The following CCDC148 variants were observed in gnomAD, a reference collection of about 807,000 sequenced individuals.
CCDC148 encodes the protein coiled-coil domain containing 148.
CCDC148 carries 89 observed loss-of-function variants against 85.7 expected under a neutral mutation model. The ratio of observed to expected loss-of-function variants is 1.04; its 90% CI spans 0.87 to 1.24. The LOEUF (loss-of-function observed/expected upper bound fraction) is 1.24, where lower values mean the gene tolerates loss of function less well. Among genes scored for constraint, CCDC148 ranks in the 50% most tolerant of loss-of-function variants. The pLI is 0.00. For synonymous variants in CCDC148, 230 were observed against 213.9 expected (o/e 1.08, Z -0.66); for missense variants, 692 against 671.7 (o/e 1.03, Z -0.33).
In CCDC148 at chr2:158,384,614, C is replaced by T. The variant is rs558100488; in HGVS notation, c.26-26044G>A. Among the ~76,000 whole-genome samples the T allele has an allele frequency of 4.6e-5, 7 of 152,248 alleles. No individual in the cohort carries two copies. In the East Asian group the frequency reaches 1.4e-3, roughly 29 times the overall value. ...GGCTGCCCCAGCCATGTTTTCTGTA[C>T]AGCATGTGGAACTGTGAGTCAATTA... On this transcript the variant is annotated intron_variant, in intron 1 of 13. Transcript: ENST00000283233.
intron 9 of CCDC148, among the ~76,000 whole-genome samples, chr2:158,282,018 G>T (rs563725370): frequency 3.3e-5 from 5 of 151,882 alleles, no homozygotes; most frequent in Non-Finnish European, 5.9e-5. Flanking sequence ...CAGAACAAAA[G>T]ACAAAAACCA....
intron 11 of CCDC148, among the ~76,000 whole-genome samples, chr2:158,213,129 T>C (rs1364067234): frequency 4.6e-5 from 7 of 152,192 alleles, no homozygotes; most frequent in South Asian, 2.1e-4. Context: ...CAAGTGATTC[T>C]AATGTAGCAA....
chr2:158,281,013 G>A (rs577784012), intron 9 of CCDC148, among the ~76,000 whole-genome samples: 35 of 152,300 alleles, frequency 2.3e-4, no homozygotes, highest in African/African-American at 8.4e-4. Context: ...TGAACAACCT[G>A]CTCCTGATTG....
chr2:158,221,973 A>T (rs1687207457), intron 10 of CCDC148, among the ~76,000 whole-genome samples: 1 of 152,166 alleles, frequency 6.6e-6, no homozygotes, highest in Non-Finnish European at 1.5e-5. Flanking sequence ...ATGCCAGGGA[A>T]TTCTATTAAT....
chr2:158,388,235 A>G (rs1489309839), intron 1 of CCDC148, among the ~76,000 whole-genome samples: 2 of 130,806 alleles, frequency 1.5e-5, no homozygotes, highest in African/African-American at 5.5e-5. Flanking sequence ...TATTTTCTGA[A>G]GTCTTGTTAT....
rs754301509 is a variant in CCDC148 at position 158,250,840 on chromosome 2, T to G, written c.1183A>C (p.Lys395Gln). 7 of 1,608,008 alleles carry G rather than the reference T, an allele frequency of 4.4e-6. No homozygotes were observed. The highest frequency in any genetic ancestry group is 5.9e-6 in the Non-Finnish European group (7 of 1,178,644). Residue 395 changes from lysine to glutamine, a missense_variant, in exon 10 of 14, where the codon AAG becomes CAG. Transcript: ENST00000283233. ...CACAGTTTCTCTTTCTCCTCTTCCT[T>G]TTCTCTTCTTCTGGCAGAAATTTCC... is the stretch of plus-strand genomic sequence containing the variant. Reference protein sequence around the residue: ...EMEISARRREKEEEKEKLWKK... With the variant: ...EMEISARRREQEEEKEKLWKK...
chr2:158,440,487 A>C (rs1687885056), intron 1 of CCDC148, among the ~76,000 whole-genome samples: 1 of 152,188 alleles, frequency 6.6e-6, no homozygotes, highest in Non-Finnish European at 1.5e-5. Flanking sequence ...CGTTATTCTC[A>C]GGAGATGCAT....
chr2:158,256,999 G>A (rs1008222731), intron 9 of CCDC148, among the ~76,000 whole-genome samples: 1 of 151,660 alleles, frequency 6.6e-6, no homozygotes, highest in Non-Finnish European at 1.5e-5. Flanking sequence ...GGTTCAATAA[G>A]TACTTCTTGG....
At chr2:158,367,887 G>A (rs1026056967) in intron 1 of CCDC148, among the ~76,000 whole-genome samples, 7 of 152,148 alleles carry the variant, frequency 4.6e-5, no homozygotes, top group Non-Finnish European at 1.0e-4. Flanking sequence ...TTATGTGAGA[G>A]AAATGATTAG....
intron 1 of CCDC148, among the ~76,000 whole-genome samples, chr2:158,439,297 T>G (rs1033142338): frequency 1.3e-5 from 2 of 152,020 alleles, no homozygotes; most frequent in Non-Finnish European, 2.9e-5. Context: ...TATGCAGCCA[T>G]AAAAAAGGAT....
chr2:158,416,678 A>G (rs59929499), intron 1 of CCDC148, among the ~76,000 whole-genome samples: 25,408 of 152,096 alleles, frequency 0.17, 2,289 homozygotes, highest in Middle Eastern at 0.21. Context: ...ACAAGTCTCT[A>G]TGAAATTCCA....
chr2:158,435,656 G>A (rs1016319438), intron 1 of CCDC148, among the ~76,000 whole-genome samples: 1 of 152,170 alleles, frequency 6.6e-6, no homozygotes, highest in Non-Finnish European at 1.5e-5. Flanking sequence ...CAGGCTAAAT[G>A]CTCCAATTAA....
At chr2:158,268,915 C>T (rs2105160404) in intron 9 of CCDC148, among the ~76,000 whole-genome samples, 1 of 152,274 alleles carries the variant, frequency 6.6e-6, no homozygotes, top group South Asian at 2.1e-4. Flanking sequence ...CTTTTTATGG[C>T]TGAATACTAT....
chr2:158,222,352 C>T (rs566402168), intron 10 of CCDC148, among the ~76,000 whole-genome samples: 70 of 152,234 alleles, frequency 4.6e-4, no homozygotes, highest in African/African-American at 1.5e-3. Flanking sequence ...AGGCCCCAGG[C>T]GTATGTTATA....
In CCDC148 at chr2:158,192,862, GAAA is replaced by G. The variant is rs369190780; in HGVS notation, c.1371-13869_1371-13867del. On this transcript the variant is annotated intron_variant, in intron 11 of 13. Transcript: ENST00000283233. ...GCTTGGCAATCCCATGGTCTAAATA[GAAA>G]AAAAAAAAAGGCTATTTTATTTTCT... is the stretch of plus-strand genomic sequence containing the variant. Among the ~76,000 whole-genome samples, 520 of 130,846 alleles carry G rather than the reference GAAA, an allele frequency of 4.0e-3. 1 individual carries two copies. The highest frequency in any genetic ancestry group is 0.013 in the African/African-American group (484 of 37,414). 85.8% of individuals were successfully genotyped at this position (130,846 alleles called of 152,430 possible).
chr2:158,416,286 C>T (rs1686495844), intron 1 of CCDC148, among the ~76,000 whole-genome samples: 1 of 152,190 alleles, frequency 6.6e-6, no homozygotes, highest in Non-Finnish European at 1.5e-5. Context: ...CACGAGGTCT[C>T]TGAAATGCCT....
At chr2:158,250,982 A>C (rs1688770824) in intron 9 of CCDC148, 70 bp from the exon 10 acceptor site, 1 of 1,394,280 alleles carries the variant, frequency 7.2e-7, no homozygotes, top group African/African-American at 1.5e-5. Flanking sequence ...TCATAATAAG[A>C]CTAGGCTCTA....
chr2:158,171,903 G>C lies in CCDC148; in HGVS notation c.*210C>G, dbSNP rs1223871298. ...CATAATTAAGTTCCATAATTTGGGG[G>C]AATTTAGTACTATTAAATATAACTT... On this transcript the variant is annotated 3_prime_UTR_variant, in exon 14 of 14. Transcript: ENST00000283233. 2.6e-6 allele frequency: 1 copy of C among 392,038 alleles called. No individual in the cohort carries two copies. Among genetic ancestry groups the C allele is most frequent in the African/African-American group, 2.1e-5 (1 of 47,352 alleles). The allele number at this position is 392,038 out of a possible 1,614,324, so 24.3% of individuals were successfully genotyped here.
At chr2:158,198,700 TATC>T (rs1374789983) in intron 11 of CCDC148, among the ~76,000 whole-genome samples, 1 of 152,200 alleles carries the variant, frequency 6.6e-6, no homozygotes, top group Admixed American at 6.5e-5. Context: ...TATTTGGAAT[TATC>T]ATCCTATAAG....
Sources: allele counts gnomAD v4.1 joint callset (sites outside exome capture counted in the v4.1 genomes callset), GRCh38; gene constraint gnomAD v4.1.1; transcripts MANE v1.5; gene names NCBI Gene and HGNC (gene_info 2026-07-23, HGNC 2026-07-21).